DESI2: variants seen among roughly 807,000 people sequenced by gnomAD.
DESI2 encodes deubiquitinase DESI2.
Under a neutral mutation model 24.1 loss-of-function variants are expected in DESI2, and 10 were observed. The ratio of observed to expected loss-of-function variants is 0.41; its 90% CI spans 0.26 to 0.70. The LOEUF is 0.70. DESI2 is among the 30% of genes least tolerant of loss of function. The pLI is 0.29. For missense variants in DESI2, 122 were observed against 234.9 expected, an observed-to-expected ratio of 0.52 and a Z score of 3.14; for synonymous variants, 71 against 87.7, an observed-to-expected ratio of 0.81 and a Z score of 1.06.
At chr1:244,704,582 G>C (rs1324202000) in intron 4 of DESI2, among the ~76,000 whole-genome samples, 1 of 152,168 alleles carries the variant, frequency 6.6e-6, no homozygotes, top group Non-Finnish European at 1.5e-5. Context: ...ACTGAAGCAT[G>C]GCCAGGCTTC....
Position 244,706,079 on chromosome 1 carries a change from C to T in DESI2, c.*290C>T, listed in dbSNP as rs1677691131. 1 of 308,142 alleles carries T rather than the reference C, an allele frequency of 3.2e-6. No homozygotes were observed. Among genetic ancestry groups the T allele is most frequent in the South Asian group, 4.6e-5 (1 of 21,692 alleles). The allele number at this position is 308,142 out of a possible 1,614,324, so 19.1% of individuals were successfully genotyped here. A position where few individuals can be genotyped will look rare whatever the true frequency, so the allele number is the denominator to read the frequency against. On this transcript the variant is annotated 3_prime_UTR_variant, in exon 5 of 5. Transcript: ENST00000302550. ...AAGTTATGTTTACAGTATCTTGTATCGCTGTTTACAAATCTTGCATGGACT... is the reference window on the plus strand; with the variant it reads ...AAGTTATGTTTACAGTATCTTGTATTGCTGTTTACAAATCTTGCATGGACT...
intron 1 of DESI2, among the ~76,000 whole-genome samples, chr1:244,672,602 C>T (rs957652680): frequency 2.6e-5 from 4 of 152,162 alleles, no homozygotes; most frequent in East Asian, 3.9e-4. Flanking sequence ...CAGTTGGCCA[C>T]GCGTGGTGGC....
intron 1 of DESI2, among the ~76,000 whole-genome samples, chr1:244,660,239 C>T (rs1675793670): frequency 6.6e-6 from 1 of 152,168 alleles, no homozygotes; most frequent in South Asian, 2.1e-4. Flanking sequence ...CATCTCTGCT[C>T]ACTGCAACCT....
At position 244,706,661 on chromosome 1, in the gene DESI2, G is replaced by C. The variant is rs577049259; in HGVS notation, c.*872G>C. ...TGGTGTGGGAATATCCTAAGTGGTA[G>C]CCTTCCAAGTAGCAGTGAGTTGACA... is the stretch of plus-strand genomic sequence containing the variant. On this transcript the variant is annotated 3_prime_UTR_variant, in exon 5 of 5. Coordinates refer to ENST00000302550, the MANE Select transcript of DESI2 (RefSeq NM_016076.5). The C allele has an allele frequency of 6.5e-6, 1 of 152,708 alleles. No homozygotes were observed. The highest frequency in any genetic ancestry group is 1.5e-5 in the Non-Finnish European group (1 of 68,036). 9.5% of individuals were successfully genotyped at this position (152,708 alleles called of 1,614,324 possible).
At chr1:244,685,308 A>G (rs1337303048) in intron 1 of DESI2, among the ~76,000 whole-genome samples, 2 of 152,314 alleles carry the variant, frequency 1.3e-5, no homozygotes, top group East Asian at 3.9e-4. Flanking sequence ...GAATTTTTAT[A>G]CATGAAATTT....
chr1:244,653,425 C>T (rs1675531196), intron 1 of DESI2, 70 bp downstream of exon 1: 2 of 1,484,858 alleles, frequency 1.3e-6, no homozygotes, highest in Admixed American at 2.7e-5. Flanking sequence ...GGGCTCGGAC[C>T]CCGGCCCCAG....
chr1:244,675,254 C>T lies in DESI2; in HGVS notation c.43-11343C>T, dbSNP rs1339373765. 2.6e-5 allele frequency among the ~76,000 whole-genome samples: 4 copies of T among 152,032 alleles called. No individual in the cohort carries two copies. The East Asian group carries it at 7.7e-4, about 29-fold the overall frequency. On this transcript the variant is annotated intron_variant, in intron 1 of 4. Transcript: ENST00000302550. ...TCTCCCAGGCTGTGGTTTCCCTTTT[C>T]ACTTTCTTGATAGTGTTCTTCAAAG...
intron 4 of DESI2, among the ~76,000 whole-genome samples, chr1:244,696,845 G>C (rs1239264506): frequency 6.6e-6 from 1 of 152,140 alleles, no homozygotes; most frequent in Non-Finnish European, 1.5e-5. Flanking sequence ...GGTTTATGCT[G>C]AAAACCTGCT....
intron 2 of DESI2, among the ~76,000 whole-genome samples, chr1:244,687,276 T>C (rs559225151): frequency 3.3e-4 from 51 of 152,338 alleles, no homozygotes; most frequent in Admixed American, 1.2e-3. Context: ...AGGATAAACA[T>C]GTCAGGAGTC....
At position 244,706,148 on chromosome 1, in the gene DESI2, AG is replaced by A. The variant is rs1178134042; in HGVS notation, c.*361del. The A allele has an allele frequency of 3.8e-5, 8 of 211,186 alleles. No homozygotes were observed. The Admixed American group carries it at 4.2e-4, about 11-fold the overall frequency. The allele number at this position is 211,186 out of a possible 1,614,324, so 13.1% of individuals were successfully genotyped here. A position where few individuals can be genotyped will look rare whatever the true frequency, so the allele number is the denominator to read the frequency against. ...GAAAATCTTCATGTCTTCAAAAATT[AG>A]GCAGGTAATCTTTGTATACTTCTGA... On this transcript the variant is annotated 3_prime_UTR_variant, in exon 5 of 5. Transcript: ENST00000302550.
intron 1 of DESI2, among the ~76,000 whole-genome samples, chr1:244,666,823 C>T (rs991698226): frequency 2.6e-5 from 4 of 152,068 alleles, no homozygotes; most frequent in Non-Finnish European, 5.9e-5. Context: ...TTCCATGTGG[C>T]TCGGGAGGCC....
At chr1:244,671,046 C>A (rs1676226259) in intron 1 of DESI2, among the ~76,000 whole-genome samples, 1 of 152,168 alleles carries the variant, frequency 6.6e-6, no homozygotes, top group Non-Finnish European at 1.5e-5. Flanking sequence ...CAAATGATAT[C>A]TTCGGTACAA....
Position 244,689,468 on chromosome 1 carries a change from C to G in DESI2, c.209+126C>G. On this transcript the variant is annotated intron_variant, in intron 3 of 4. Coordinates refer to ENST00000302550, the MANE Select transcript of DESI2 (RefSeq NM_016076.5). The surrounding 1 kb of genome is among the most constrained non-coding windows in gnomAD (Gnocchi z 4.0). ...TAAAAATGTCTCTTTGTTTTAATTG[C>G]TGACATTTTATATAACTCAAGTTTG... The G allele has an allele frequency of 1.8e-6, 1 of 570,284 alleles. No individual in the cohort carries two copies. The highest frequency in any genetic ancestry group is 2.6e-5 in the South Asian group (1 of 38,506). 35.3% of individuals were successfully genotyped at this position (570,284 alleles called of 1,614,324 possible).
At chr1:244,672,834 C>G (rs1036591422) in intron 1 of DESI2, among the ~76,000 whole-genome samples, 1 of 151,842 alleles carries the variant, frequency 6.6e-6, no homozygotes. Context: ...CCAAGATCGC[C>G]CCATTGCACT....
At chr1:244,703,420 G>A (rs1677558317) in intron 4 of DESI2, among the ~76,000 whole-genome samples, 1 of 152,036 alleles carries the variant, frequency 6.6e-6, no homozygotes, top group Non-Finnish European at 1.5e-5. Flanking sequence ...CAGTGGCACA[G>A]TCTTGGCTCT....
At chr1:244,671,206 A>G (rs1280436845) in intron 1 of DESI2, among the ~76,000 whole-genome samples, 2 of 152,126 alleles carry the variant, frequency 1.3e-5, no homozygotes, top group Non-Finnish European at 2.9e-5. Context: ...TAAACTGTAA[A>G]CTAACTTTCA....
chr1:244,668,943 A>G (rs1332958032), intron 1 of DESI2, among the ~76,000 whole-genome samples: 8 of 151,988 alleles, frequency 5.3e-5, no homozygotes, highest in Non-Finnish European at 1.2e-4. Context: ...TTTTTCTGCA[A>G]TTTTTTTCTC....
At position 244,663,821 on chromosome 1, in the gene DESI2, A is replaced by G. The variant is rs543160454; in HGVS notation, c.42+10466A>G. Among the ~76,000 whole-genome samples the G allele has an allele frequency of 2.5e-3, 376 of 152,124 alleles. 1 individual carries two copies. The highest frequency in any genetic ancestry group is 8.7e-3 in the African/African-American group (361 of 41,552). ...ATCATGAGGTCAGGAGATCGAGACC[A>G]TCCTGGCTAACACGGTGAAACCCCA... On this transcript the variant is annotated intron_variant, in intron 1 of 4. Transcript: ENST00000302550.
intron 1 of DESI2, among the ~76,000 whole-genome samples, chr1:244,671,477 G>T (rs949963278): frequency 3.9e-5 from 6 of 152,154 alleles, no homozygotes; most frequent in Non-Finnish European, 7.4e-5. Flanking sequence ...TCTGCTGAAT[G>T]TTAATACTAA....
Sources: allele counts gnomAD v4.1 joint callset (sites outside exome capture counted in the v4.1 genomes callset), GRCh38; gene constraint gnomAD v4.1.1; non-coding constraint Gnocchi (gnomAD v3.1); transcripts MANE v1.5; gene names NCBI Gene and HGNC (gene_info 2026-07-23, HGNC 2026-07-21).